Variants in MAP2K5 observed in about 807,000 individuals in gnomAD.
MAP2K5 encodes dual specificity mitogen-activated protein kinase kinase 5.
Under a neutral mutation model 83.1 loss-of-function variants are expected in MAP2K5, and 49 were observed. The ratio of observed to expected loss-of-function variants is 0.59; its 90% CI spans 0.47 to 0.75. The LOEUF (loss-of-function observed/expected upper bound fraction) is 0.75, where lower values mean the gene tolerates loss of function less well. MAP2K5 is among the 30% of genes least tolerant of loss of function. The probability of loss-of-function intolerance (pLI) is 0.00; values close to 1 mark genes in which losing one functional copy is unlikely to be tolerated. For synonymous variants in MAP2K5, 202 were observed against 191.8 expected, an observed-to-expected ratio of 1.05 and a Z score of -0.44; for missense variants, 457 against 557.5, an observed-to-expected ratio of 0.82 and a Z score of 1.82.
At chr15:67,567,380 C>T (rs1227793324) in intron 3 of MAP2K5, among the ~76,000 whole-genome samples, 7 of 130,938 alleles carry the variant, frequency 5.3e-5, no homozygotes, top group African/African-American at 1.2e-4. Flanking sequence ...TTTTTTGAGA[C>T]AGAGTCTCGC....
rs955002809 is a variant in MAP2K5, at chr15:67,774,298, A to T, written c.1242+1546A>T. ...AATTAATAAATATCAATAAATCAAT[A>T]AAATACAATGAAAAATGTTGTCACA... On this transcript the variant is annotated intron_variant, in intron 21 of 21. Transcript: ENST00000178640. This position sits in a 1 kb window ranked among gnomAD's most constrained non-coding sequence, Gnocchi z 4.9. 2.0e-4 allele frequency among the ~76,000 whole-genome samples: 30 copies of T among 152,162 alleles called. 1 individual carries two copies.
rs1397546398 is a variant in MAP2K5, at chr15:67,555,187, A to G, written c.184+5105A>G. On this transcript the variant is annotated intron_variant, in intron 2 of 21. Coordinates refer to ENST00000178640, the MANE Select transcript of MAP2K5 (RefSeq NM_145160.3). The surrounding 1 kb of genome is among the most constrained non-coding windows in gnomAD (Gnocchi z 5.2). ...TAGAGCTCACAGTTCTACAGGCTGT[A>G]CAAGCATGGCACTAGCATCTGCTTG... Among the ~76,000 whole-genome samples the G allele has an allele frequency of 6.6e-6, 1 of 152,198 alleles. No individual in the cohort carries two copies. The highest frequency in any genetic ancestry group is 2.4e-5 in the African/African-American group (1 of 41,450).
chr15:67,548,370 A>C (rs1408441152), intron 1 of MAP2K5, among the ~76,000 whole-genome samples: 1 of 152,206 alleles, frequency 6.6e-6, no homozygotes, highest in Non-Finnish European at 1.5e-5. Flanking sequence ...TGAGTGAATC[A>C]CCATCCTCCA....
chr15:67,578,120 C>T (rs1486032789), intron 3 of MAP2K5, among the ~76,000 whole-genome samples: 2 of 152,222 alleles, frequency 1.3e-5, no homozygotes, highest in Non-Finnish European at 2.9e-5. Context: ...AAATGAGTAA[C>T]ATGAGGCACA....
intron 7 of MAP2K5, among the ~76,000 whole-genome samples, chr15:67,600,475 C>T (rs575226741): frequency 1.3e-5 from 2 of 152,162 alleles, no homozygotes; most frequent in Non-Finnish European, 2.9e-5. Context: ...ATGACCCAGG[C>T]AAACAAATTG....
At chr15:67,726,310 A>C (rs2089095466) in intron 16 of MAP2K5, among the ~76,000 whole-genome samples, 2 of 152,198 alleles carry the variant, frequency 1.3e-5, no homozygotes, top group South Asian at 4.1e-4. Flanking sequence ...TATTGGTTTT[A>C]GAACTTTGAT....
rs147312395 is a variant in MAP2K5 at position 67,595,749 on chromosome 15, G to T, written c.480+2775G>T. 2.7e-3 allele frequency among the ~76,000 whole-genome samples: 413 copies of T among 152,230 alleles called. 4 individuals are homozygous for T. Among genetic ancestry groups the T allele is most frequent in the African/African-American group, 9.6e-3 (397 of 41,546 alleles). On this transcript the variant is annotated intron_variant, in intron 7 of 21. Coordinates refer to ENST00000178640, the MANE Select transcript of MAP2K5 (RefSeq NM_145160.3). ...TCCAGCTTAAAAAAATAAATCAGAA[G>T]ATATTTTTGGCAAGTTTTATTGAGA...
intron 7 of MAP2K5, among the ~76,000 whole-genome samples, chr15:67,594,171 T>C (rs1490154624): frequency 6.6e-6 from 1 of 152,196 alleles, no homozygotes; most frequent in Non-Finnish European, 1.5e-5. Flanking sequence ...GTGTGGTGTA[T>C]GTATAATCTT....
At chr15:67,593,454 G>C (rs191974777) in intron 7 of MAP2K5, among the ~76,000 whole-genome samples, 51 of 152,242 alleles carry the variant, frequency 3.3e-4, no homozygotes, top group Middle Eastern at 3.4e-3. Context: ...TAGTAGACTG[G>C]CCATCTAAAG....
chr15:67,655,625 G>T (rs1265025395), intron 11 of MAP2K5, among the ~76,000 whole-genome samples: 2 of 152,012 alleles, frequency 1.3e-5, no homozygotes, highest in African/African-American at 4.8e-5. Context: ...CACTTCTCTT[G>T]CTGCTTTCAA....
Position 67,781,776 on chromosome 15 carries a change from A to T in MAP2K5, c.1242+9024A>T, listed in dbSNP as rs959375807. 3.9e-5 allele frequency among the ~76,000 whole-genome samples: 6 copies of T among 152,224 alleles called. No homozygotes were observed. Among genetic ancestry groups the T allele is most frequent in the Non-Finnish European group, 8.8e-5 (6 of 68,030 alleles). Reference sequence around the variant, plus strand: ...TTAATTGTTAGCCTGTGTGTGTCTTAGCTTCCTCAGAAGGCTTCTGAATGG... The same window carrying T: ...TTAATTGTTAGCCTGTGTGTGTCTTTGCTTCCTCAGAAGGCTTCTGAATGG... On this transcript the variant is annotated intron_variant, in intron 21 of 21. Coordinates refer to ENST00000178640, the MANE Select transcript of MAP2K5 (RefSeq NM_145160.3). The surrounding 1 kb of genome is among the most constrained non-coding windows in gnomAD (Gnocchi z 4.0).
chr15:67,549,022 G>A, intron 1 of MAP2K5: 1 of 1,455,266 alleles, frequency 6.9e-7, no homozygotes, highest in Non-Finnish European at 9.0e-7. Context: ...TCTGCTAAGT[G>A]CCCTGCTTGG....
At chr15:67,673,368 T>C (rs2087596337) in intron 13 of MAP2K5, among the ~76,000 whole-genome samples, 1 of 152,136 alleles carries the variant, frequency 6.6e-6, no homozygotes, top group Admixed American at 6.5e-5. Context: ...GTAAATGTTA[T>C]ATATTTGATA....
At chr15:67,549,208 G>A (rs948539963) in intron 1 of MAP2K5, 11 of 1,532,914 alleles carry the variant, frequency 7.2e-6, no homozygotes, top group East Asian at 4.9e-5. Flanking sequence ...TCCCCAGAGC[G>A]TAGGTGTTCT....
chr15:67,569,629 C>A (rs2084911082), intron 3 of MAP2K5, among the ~76,000 whole-genome samples: 1 of 152,100 alleles, frequency 6.6e-6, no homozygotes, highest in Non-Finnish European at 1.5e-5. Context: ...ATGTTGGAGC[C>A]TGTTTGGTAG....
chr15:67,664,520 G>T, intron 12 of MAP2K5, 77 bp from the exon 13 acceptor site: 8 of 889,840 alleles, frequency 9.0e-6, no homozygotes, highest in Admixed American at 2.2e-5. Context: ...AAAAAATGTT[G>T]AATGTATTTA....
chr15:67,593,901 G>A (rs932905579), intron 7 of MAP2K5, among the ~76,000 whole-genome samples: 2 of 152,318 alleles, frequency 1.3e-5, no homozygotes, highest in South Asian at 4.2e-4. Flanking sequence ...TCAAGTACTT[G>A]TAGTGGAGCA....
At position 67,778,657 on chromosome 15, in the gene MAP2K5, C is replaced by G. The variant is rs955194757; in HGVS notation, c.1242+5905C>G. 5.3e-5 allele frequency among the ~76,000 whole-genome samples: 8 copies of G among 152,112 alleles called. No individual in the cohort carries two copies. Among genetic ancestry groups the G allele is most frequent in the Non-Finnish European group, 1.2e-4 (8 of 68,030 alleles). ...CTTACCTCTGTGAGAGCAGGGTGAT[C>G]CTTTGCGGTTAGCAGAAGGGTAGGG... On this transcript the variant is annotated intron_variant, in intron 21 of 21. Coordinates refer to ENST00000178640, the MANE Select transcript of MAP2K5 (RefSeq NM_145160.3). The surrounding 1 kb of genome is among the most constrained non-coding windows in gnomAD (Gnocchi z 5.0).
intron 12 of MAP2K5, among the ~76,000 whole-genome samples, chr15:67,662,111 C>A (rs1000169629): frequency 2.6e-5 from 4 of 152,152 alleles, no homozygotes; most frequent in African/African-American, 9.6e-5. Context: ...TTAGAATAGA[C>A]AAACATATAC....
Sources: gnomAD v4.1 joint callset for allele counts (sites outside exome capture counted in the v4.1 genomes callset) on GRCh38, gnomAD v4.1.1 for gene constraint, Gnocchi (gnomAD v3.1) non-coding constraint, MANE v1.5 for transcripts, NCBI Gene and HGNC (gene_info 2026-07-23, HGNC 2026-07-21) for gene names.